FHIT: variants seen among roughly 807,000 people sequenced by gnomAD.
FHIT encodes bis(5'-adenosyl)-triphosphatase.
Under a neutral mutation model 17.9 loss-of-function variants are expected in FHIT, and 19 were observed. That is an observed-to-expected ratio of 1.06 (90% CI 0.74 to 1.56). The LOEUF (loss-of-function observed/expected upper bound fraction) is 1.56, where lower values mean the gene tolerates loss of function less well. Ranked by LOEUF, FHIT falls within the 40% of genes most tolerant of loss-of-function variation. FHIT has a pLI of 0.00. For missense variants in FHIT, 248 were observed against 189.2 expected, an observed-to-expected ratio of 1.31 and a Z score of -1.82; for synonymous variants, 81 against 69.7, an observed-to-expected ratio of 1.16 and a Z score of -0.81.
At chr3:60,401,897 A>G (rs1046530201) in intron 5 of FHIT, among the ~76,000 whole-genome samples, 3 of 152,170 alleles carry the variant, frequency 2.0e-5, no homozygotes, top group East Asian at 1.9e-4. Flanking sequence ...AGATACCTCA[A>G]CAGTTGAGTG....
chr3:60,646,803 C>T (rs1553686851), intron 4 of FHIT, among the ~76,000 whole-genome samples: 1 of 152,192 alleles, frequency 6.6e-6, no homozygotes, highest in Non-Finnish European at 1.5e-5. Flanking sequence ...GATTATTTCA[C>T]TGTCTTCACC....
At chr3:60,083,514 C>T (rs543978850) in intron 5 of FHIT, among the ~76,000 whole-genome samples, 46 of 83,176 alleles carry the variant, frequency 5.5e-4, no homozygotes, top group African/African-American at 3.3e-3. Flanking sequence ...AGGAATACCA[C>T]TGAAAACCTG....
intron 4 of FHIT, among the ~76,000 whole-genome samples, chr3:60,794,530 A>G (rs1179957194): frequency 6.6e-6 from 1 of 152,158 alleles, no homozygotes; most frequent in Non-Finnish European, 1.5e-5. Context: ...CAGTAGATAG[A>G]TATATAGCTA....
chr3:60,055,448 CT>C (rs4024133), intron 5 of FHIT, among the ~76,000 whole-genome samples: 5,258 of 143,062 alleles, frequency 0.037, 104 homozygotes, highest in Non-Finnish European at 0.052. Flanking sequence ...GATGGACTTT[CT>C]TTTTTTTTTT....
At chr3:60,242,148 C>T (rs1705161351) in intron 5 of FHIT, among the ~76,000 whole-genome samples, 1 of 152,098 alleles carries the variant, frequency 6.6e-6, no homozygotes. Context: ...TTCTTCCCAG[C>T]TTCTCCAGTA....
intron 7 of FHIT, among the ~76,000 whole-genome samples, chr3:59,971,862 T>TA (rs920379659): frequency 1.3e-5 from 2 of 152,264 alleles, no homozygotes; most frequent in African/African-American, 4.8e-5. Flanking sequence ...TGGCATACAG[T>TA]AAAAACAAGT....
Position 60,634,418 on chromosome 3 carries a change from T to C in FHIT, c.-17-97439A>G, listed in dbSNP as rs149401649. Among the ~76,000 whole-genome samples the C allele has an allele frequency of 4.5e-3, 680 of 152,322 alleles. 5 individuals carry two copies. Among genetic ancestry groups the C allele is most frequent in the Middle Eastern group, 0.02 (6 of 294 alleles). ...GAGTAGGGCAGTTGGCTTCCCACAA[T>C]TGATTCTTTAATAACTTCTGTAATA... On this transcript the variant is annotated intron_variant, in intron 4 of 9. Transcript: ENST00000492590.
At chr3:60,613,473 G>T (rs544327260) in intron 4 of FHIT, among the ~76,000 whole-genome samples, 3 of 152,228 alleles carry the variant, frequency 2.0e-5, no homozygotes, top group South Asian at 2.1e-4. Context: ...TCAGGGTTTA[G>T]CAAGTTAACA....
In FHIT at chr3:60,821,995, A is replaced by G. The variant is rs1701945448; in HGVS notation, c.-94T>C. On this transcript the variant is annotated 5_prime_UTR_variant, in exon 4 of 10. Coordinates refer to ENST00000492590, the MANE Select transcript of FHIT (RefSeq NM_002012.4). ...GCTTTTATAGAGGGTCTAAGCAGGC[A>G]GGTATTCCTAGGATACCTACACCAA... The G allele has an allele frequency of 6.6e-6, 1 of 152,128 alleles. No individual in the cohort carries two copies. The highest frequency in any genetic ancestry group is 2.1e-4 in the South Asian group (1 of 4,832). The allele number at this position is 152,128 out of a possible 1,614,324, so 9.4% of individuals were successfully genotyped here. A position where few individuals can be genotyped will look rare whatever the true frequency, so the allele number is the denominator to read the frequency against.
chr3:60,587,282 A>G (rs1553662471), intron 4 of FHIT, among the ~76,000 whole-genome samples: 1 of 152,064 alleles, frequency 6.6e-6, no homozygotes, highest in Admixed American at 6.6e-5. Context: ...GTTCTCACTC[A>G]TAAGTGGGAG....
intron 2 of FHIT, among the ~76,000 whole-genome samples, chr3:61,141,450 G>A (rs1235124439): frequency 6.6e-6 from 1 of 152,124 alleles, no homozygotes; most frequent in African/African-American, 2.4e-5. Context: ...AAATACCTCT[G>A]AGCTGCCTGT....
intron 7 of FHIT, among the ~76,000 whole-genome samples, chr3:59,991,118 T>C (rs913053639): frequency 9.2e-5 from 14 of 152,074 alleles, no homozygotes; most frequent in Admixed American, 5.9e-4. Context: ...ACATCTGTTT[T>C]ATTTAGCGAG....
intron 5 of FHIT, among the ~76,000 whole-genome samples, chr3:60,222,657 T>C (rs1007867377): frequency 1.2e-4 from 19 of 152,142 alleles, no homozygotes; most frequent in African/African-American, 4.6e-4. Context: ...GGTTAAAATA[T>C]TATTTTAAAT....
At chr3:61,233,993 A>G (rs2040167901) in intron 1 of FHIT, among the ~76,000 whole-genome samples, 1 of 152,262 alleles carries the variant, frequency 6.6e-6, no homozygotes, top group South Asian at 2.1e-4. Context: ...AGCTGAAAGC[A>G]TTTGAAGCTG....
At chr3:60,140,753 T>A (rs1700008012) in intron 5 of FHIT, among the ~76,000 whole-genome samples, 1 of 152,040 alleles carries the variant, frequency 6.6e-6, no homozygotes. Flanking sequence ...TAATTTTGTA[T>A]TTTTAGTAGA....
chr3:61,097,124 G>A (rs921248075), intron 2 of FHIT, among the ~76,000 whole-genome samples: 8 of 148,658 alleles, frequency 5.4e-5, no homozygotes, highest in South Asian at 2.2e-4. Flanking sequence ...CAAGATGGCC[G>A]AATAGGAACA....
chr3:61,194,501 G>C (rs1443671836), intron 2 of FHIT, among the ~76,000 whole-genome samples: 1 of 152,068 alleles, frequency 6.6e-6, no homozygotes, highest in Non-Finnish European at 1.5e-5. Context: ...CTGTACAACA[G>C]GTAGTTCTGT....
intron 5 of FHIT, among the ~76,000 whole-genome samples, chr3:60,492,312 C>T (rs1222720222): frequency 1.3e-5 from 2 of 152,108 alleles, no homozygotes; most frequent in Non-Finnish European, 2.9e-5. Context: ...GTCACAAAGT[C>T]AAATAATTGT....
At chr3:60,275,216 T>C (rs1437153661) in intron 5 of FHIT, among the ~76,000 whole-genome samples, 2 of 141,704 alleles carry the variant, frequency 1.4e-5, no homozygotes, top group African/African-American at 5.2e-5. Context: ...CTGGGAAATA[T>C]TTCTGGAAGA....
Sources: gnomAD v4.1 joint callset for allele counts (sites outside exome capture counted in the v4.1 genomes callset) on GRCh38, gnomAD v4.1.1 for gene constraint, MANE v1.5 for transcripts, NCBI Gene and HGNC (gene_info 2026-07-23, HGNC 2026-07-21) for gene names.